HERC3: variants seen among roughly 807,000 people sequenced by gnomAD.
The protein encoded by HERC3 is probable E3 ubiquitin-protein ligase HERC3.
Under a neutral mutation model 129.9 loss-of-function variants are expected in HERC3, and 58 were observed. That is an observed-to-expected ratio of 0.45 (90% confidence interval 0.36 to 0.56). The LOEUF (loss-of-function observed/expected upper bound fraction) is 0.56. HERC3 is among the 20% of genes least tolerant of loss of function. The pLI, the probability that HERC3 is intolerant of heterozygous loss-of-function variation, is 0.00. For synonymous variants in HERC3, 430 were observed against 451.0 expected, an observed-to-expected ratio of 0.95 and a Z score of 0.59; for missense variants, 835 against 1,244.2, an observed-to-expected ratio of 0.67 and a Z score of 4.95.
At chr4:88,611,313 T>G (rs1188903974) in intron 3 of HERC3, among the ~76,000 whole-genome samples, 1 of 152,174 alleles carries the variant, frequency 6.6e-6, no homozygotes, top group Non-Finnish European at 1.5e-5. Flanking sequence ...ATGAACTTGT[T>G]TTCTGTGTTT....
intron 4 of HERC3, 42 bp downstream of exon 4, chr4:88,650,041 C>A: frequency 6.3e-7 from 1 of 1,582,086 alleles, no homozygotes; most frequent in Non-Finnish European, 8.6e-7. Flanking sequence ...AATGCTATTT[C>A]CTGCTGTTGA....
chr4:88,650,762 G>A (rs1036062449), intron 4 of HERC3, among the ~76,000 whole-genome samples: 2 of 152,174 alleles, frequency 1.3e-5, no homozygotes, highest in Admixed American at 1.3e-4. Context: ...AAAGATGTGA[G>A]CTATTAATGG....
At chr4:88,625,255 T>C (rs1725967618) in intron 3 of HERC3, among the ~76,000 whole-genome samples, 1 of 152,190 alleles carries the variant, frequency 6.6e-6, no homozygotes. Context: ...TTCATTAGAA[T>C]TGCACTGAAT....
chr4:88,607,170 TTGGTG>T (rs1429499463), intron 3 of HERC3, among the ~76,000 whole-genome samples: 1 of 119,892 alleles, frequency 8.3e-6, no homozygotes, highest in Non-Finnish European at 1.6e-5. Flanking sequence ...GAGTAGCACT[TTGGTG>T]TGTGTGTGTG....
In HERC3 at chr4:88,681,209, A is replaced by G. The variant is rs142344900; in HGVS notation, c.2391A>G (p.Leu797=). ...WFHLIGITCG[L]AIYNSTVVDL... ...ACTTGATTGGTATAACCTGTGGACT[A>G]GCTATCTACAACTCCACTGTGGTCG... is the stretch of plus-strand genomic sequence containing the variant. Residue 797 remains leucine, a synonymous_variant, in exon 21 of 26, where the codon CTA becomes CTG. Transcript: ENST00000402738. 6 of 1,613,958 alleles carry G rather than the reference A, an allele frequency of 3.7e-6. No individual in the cohort carries two copies. The highest frequency in any genetic ancestry group is 1.3e-5 in the African/African-American group (1 of 75,044).
chr4:88,688,635 A>G (rs1377559372), intron 23 of HERC3, among the ~76,000 whole-genome samples: 1 of 152,222 alleles, frequency 6.6e-6, no homozygotes, highest in Non-Finnish European at 1.5e-5. Context: ...TTTTGAATAT[A>G]TTGATTTTGA....
intron 25 of HERC3, 132 bp from the exon 26 acceptor site, chr4:88,706,620 T>C: frequency 1.5e-6 from 1 of 681,054 alleles, no homozygotes; most frequent in Admixed American, 2.5e-5. Context: ...GGATGCATAT[T>C]GGCACATAAA....
chr4:88,590,553 C>T (rs914928373), upstream of HERC3, among the ~76,000 whole-genome samples: 3 of 152,000 alleles, frequency 2.0e-5, no homozygotes, highest in Non-Finnish European at 2.9e-5. Flanking sequence ...AGCGAGACTC[C>T]GTCTCAAAAA....
At chr4:88,697,527 C>T (rs1189343580) in intron 23 of HERC3, 1 of 1,614,086 alleles carries the variant, frequency 6.2e-7, no homozygotes, top group Non-Finnish European at 8.5e-7. Context: ...GGCATTTCAC[C>T]GAATTAGGCA....
the HERC3 span, among the ~76,000 whole-genome samples, chr4:88,578,210 T>G: frequency 2.6e-5 from 4 of 152,228 alleles, no homozygotes; most frequent in Non-Finnish European, 5.9e-5. Flanking sequence ...TACATTATCA[T>G]AATTATCATC....
intron 18 of HERC3, among the ~76,000 whole-genome samples, chr4:88,677,604 T>G (rs555762367): frequency 9.8e-4 from 149 of 152,256 alleles, no homozygotes; most frequent in Non-Finnish European, 1.9e-3. Flanking sequence ...TTTTAACAAG[T>G]GGTTATTAGC....
chr4:88,647,013 C>A (rs1401146539), intron 3 of HERC3, among the ~76,000 whole-genome samples: 1 of 152,142 alleles, frequency 6.6e-6, no homozygotes, highest in Non-Finnish European at 1.5e-5. Context: ...CCAACTCAGC[C>A]TTGCACCAGG....
intron 9 of HERC3, chr4:88,656,480 T>G: frequency 1.2e-5 from 2 of 162,664 alleles, no homozygotes; most frequent in South Asian, 1.7e-4. Flanking sequence ...GGTGCCATAC[T>G]TTTTACACCA....
At chr4:88,691,876 G>A (rs1734109425) in intron 23 of HERC3, among the ~76,000 whole-genome samples, 2 of 152,218 alleles carry the variant, frequency 1.3e-5, no homozygotes, top group Admixed American at 1.3e-4. Flanking sequence ...TTTAACTTAG[G>A]CAGTTGTATA....
rs757348669 is a variant in HERC3, at chr4:88,667,415, G to C, written c.1370G>C (p.Gly457Ala). ...TTTAAAACGAGTCCCAAAATCCCTG[G>C]GATTGACCTGAACTCAACTAGGGTG... ...EHFKTSPKIP[G>A]IDLNSTRVLF... The change falls in exon 13 of 26, where the codon GGG becomes GCG. Residue 457 changes from glycine to alanine, a missense_variant. By Grantham distance (60) the Gly-to-Ala change is moderately conservative (BLOSUM62 0). Coordinates refer to ENST00000402738, the MANE Select transcript of HERC3 (RefSeq NM_014606.3). 1 of 1,609,092 alleles carries C rather than the reference G, an allele frequency of 6.2e-7. No homozygotes were observed. The highest frequency in any genetic ancestry group is 2.2e-5 in the East Asian group (1 of 44,718).
the HERC3 span, among the ~76,000 whole-genome samples, chr4:88,547,261 T>G: frequency 6.6e-6 from 1 of 152,300 alleles, no homozygotes; most frequent in South Asian, 2.1e-4. Flanking sequence ...ATTTTTTGGA[T>G]AGAAAGTATA....
the HERC3 span, among the ~76,000 whole-genome samples, chr4:88,569,312 G>A: frequency 6.6e-5 from 10 of 152,154 alleles, no homozygotes; most frequent in South Asian, 6.2e-4. Flanking sequence ...CAGATTCACC[G>A]TCCACACTAT....
At chr4:88,681,108 G>A in intron 20 of HERC3, 51 bp from the exon 21 acceptor site, 1 of 1,515,808 alleles carries the variant, frequency 6.6e-7, no homozygotes, top group Non-Finnish European at 8.9e-7. Context: ...AATGTTTGAA[G>A]GCCAGAAACA....
At chr4:88,701,751 T>TG (rs1302473300) in intron 23 of HERC3, among the ~76,000 whole-genome samples, 2 of 152,130 alleles carry the variant, frequency 1.3e-5, no homozygotes, top group African/African-American at 4.8e-5. Context: ...GAATTTGATA[T>TG]GTTTTTTTTA....
Sources: allele counts gnomAD v4.1 joint callset (sites outside exome capture counted in the v4.1 genomes callset), GRCh38; gene constraint gnomAD v4.1.1; transcripts MANE v1.5; gene names NCBI Gene and HGNC (gene_info 2026-07-23, HGNC 2026-07-21).